Variants in ZNF274 observed in about 807,000 individuals in gnomAD.
The protein encoded by ZNF274 is neurotrophin receptor-interacting factor homolog.
ZNF274 carries 23 observed loss-of-function variants against 42.5 expected under a neutral mutation model. The observed-to-expected ratio is 0.54, with a 90% CI of 0.39 to 0.77. The LOEUF (loss-of-function observed/expected upper bound fraction) is 0.77, where lower values mean the gene tolerates loss of function less well. Ranked by LOEUF, ZNF274 falls within the 30% of genes least tolerant of loss-of-function variation. The probability of loss-of-function intolerance (pLI) is 0.00; values close to 1 mark genes in which losing one functional copy is unlikely to be tolerated. For synonymous variants in ZNF274, 292 were observed against 305.4 expected (o/e 0.96, Z 0.46); for missense variants, 679 against 806.5 (o/e 0.84, Z 1.91).
chr19:58,200,307 T>A (rs1221595841), intron 4 of ZNF274, among the ~76,000 whole-genome samples: 1 of 152,224 alleles, frequency 6.6e-6, no homozygotes, highest in African/African-American at 2.4e-5. Context: ...CTGCAGCTAA[T>A]GCTACTATGT....
intron 4 of ZNF274, among the ~76,000 whole-genome samples, chr19:58,188,676 GTATATATA>G (rs1250346912): frequency 5.0e-5 from 4 of 79,770 alleles, no homozygotes; most frequent in African/African-American, 1.9e-4. Flanking sequence ...GTGTGTGTGT[GTATATATA>G]TATGTATATG....
chr19:58,203,167 C>T (rs969407004), intron 4 of ZNF274, among the ~76,000 whole-genome samples: 3 of 151,862 alleles, frequency 2.0e-5, no homozygotes, highest in East Asian at 3.9e-4. Flanking sequence ...GCCACTTAGC[C>T]CCCCCCCAGG....
intron 4 of ZNF274, among the ~76,000 whole-genome samples, chr19:58,196,250 A>G (rs1456117352): frequency 3.3e-5 from 5 of 152,136 alleles, no homozygotes; most frequent in African/African-American, 9.7e-5. Flanking sequence ...GGCATTTTAC[A>G]TTTTTTACTT....
chr19:58,194,597 T>A (rs1196323547), intron 4 of ZNF274, among the ~76,000 whole-genome samples: 4 of 151,938 alleles, frequency 2.6e-5, no homozygotes, highest in African/African-American at 9.7e-5. Flanking sequence ...GCCAGGCTGG[T>A]CTCAAATCCC....
intron 3 of ZNF274, chr19:58,186,115 G>A (rs116217416): frequency 2.6e-4 from 52 of 198,160 alleles, no homozygotes; most frequent in African/African-American, 1.1e-3. Flanking sequence ...GACTGAAGCA[G>A]GAGGATTGCT....
In ZNF274 at chr19:58,208,898, A is replaced by C. The variant is rs1451535408; in HGVS notation, c.740-1063A>C. On this transcript the variant is annotated intron_variant, in intron 5 of 7. Transcript: ENST00000617501. The surrounding 1 kb of genome is among the most constrained non-coding windows in gnomAD (Gnocchi z 4.5). The stretch of plus-strand genomic sequence containing the variant: ...CTGTGTTTAACCTCAGGGGTGAATA[A>C]AATAAATTAGTGCCACAGAAGACAA... 1 of 152,250 alleles carries C rather than the reference A, an allele frequency of 6.6e-6. No homozygotes were observed. The highest frequency in any genetic ancestry group is 1.5e-5 in the Non-Finnish European group (1 of 68,052). The allele number at this position is 152,250 out of a possible 1,614,324, so 9.4% of individuals were successfully genotyped here. A position where few individuals can be genotyped will look rare whatever the true frequency, so the allele number is the denominator to read the frequency against.
At position 58,206,932 on chromosome 19, in the gene ZNF274, C is replaced by A; in HGVS notation, c.469C>A (p.Pro157Thr). The A allele has an allele frequency of 6.2e-7, 1 of 1,612,390 alleles. No individual in the cohort carries two copies. Among genetic ancestry groups the A allele is most frequent in the Non-Finnish European group, 8.5e-7 (1 of 1,179,222 alleles). Residue 157 changes from proline to threonine, a missense_variant, in exon 5 of 8, where the codon CCT (proline) becomes ACT (threonine). This residue lies in a region of ZNF274 where 223 missense variants were observed against 216.4 expected (regional missense o/e 1.03). Transcript: ENST00000617501. ...VQQQGKHPGD[P>T]EAARQRFRQF... is the part of the protein sequence containing the mutation. ...ACAGCAGGGCAAGCATCCAGGTGAC[C>A]CTGAGGCCGCGCGCCAGAGGTTCCG...
chr19:58,193,863 C>T (rs576462505), intron 4 of ZNF274, among the ~76,000 whole-genome samples: 1 of 151,992 alleles, frequency 6.6e-6, no homozygotes, highest in South Asian at 2.1e-4. Flanking sequence ...GAGTTTGAGG[C>T]TGCATTGAGC....
At chr19:58,183,867 TC>T (rs1160500543) in intron 1 of ZNF274, 53 bp from the exon 2 acceptor site, 3 of 1,248,372 alleles carry the variant, frequency 2.4e-6, no homozygotes, top group Middle Eastern at 1.9e-4. Flanking sequence ...CTGCGGTAGC[TC>T]CCCAGCGGAC....
intron 4 of ZNF274, among the ~76,000 whole-genome samples, chr19:58,192,270 G>T (rs1196220032): frequency 2.0e-5 from 3 of 152,156 alleles, no homozygotes; most frequent in African/African-American, 7.2e-5. Flanking sequence ...ACTCTGGGTG[G>T]CTGTGAAGAA....
intron 4 of ZNF274, 127 bp downstream of exon 4, chr19:58,187,169 C>G: frequency 2.6e-6 from 2 of 762,880 alleles, no homozygotes; most frequent in Non-Finnish European, 4.2e-6. Context: ...AGTTGCAGAA[C>G]CAAACTCGAA....
intron 4 of ZNF274, among the ~76,000 whole-genome samples, chr19:58,201,459 G>A (rs540621561): frequency 6.6e-6 from 1 of 151,676 alleles, no homozygotes; most frequent in South Asian, 2.1e-4. Flanking sequence ...AACCAAACCG[G>A]ATCATCCACT....
chr19:58,204,576 C>T (rs945689152), intron 4 of ZNF274, among the ~76,000 whole-genome samples: 4 of 152,050 alleles, frequency 2.6e-5, no homozygotes, highest in Admixed American at 1.3e-4. Flanking sequence ...GATGCTTCCG[C>T]CCGAGCTTTT....
In ZNF274 at chr19:58,209,954, C is replaced by T. The variant is rs1056485443; in HGVS notation, c.740-7C>T. ...GCTGACCTCCTCTGGCTGGTGTCTC[C>T]TCCCAGTACTTCCTGCAGGACAACC... is the stretch of plus-strand genomic sequence containing the variant. On this transcript the variant is annotated splice_region_variant and splice_polypyrimidine_tract_variant and intron_variant, in intron 5 of 7. Transcript: ENST00000617501. 1.2e-6 allele frequency: 2 copies of T among 1,608,450 alleles called. No individual in the cohort carries two copies. Among genetic ancestry groups the T allele is most frequent in the East Asian group, 2.2e-5 (1 of 44,832 alleles).
In ZNF274 at chr19:58,183,713, G is replaced by C. The variant is rs560010199; in HGVS notation, c.-45-208G>C. ...AGGGAGGCGATCCCCTCCGATGCGC[G>C]GGACAGAGGAGGCTCGGTGTCCTCT... On this transcript the variant is annotated intron_variant, in intron 1 of 7. Transcript: ENST00000617501. The C allele has an allele frequency of 1.3e-4, 59 of 457,538 alleles. 1 individual carries two copies. In the South Asian group the frequency reaches 1.5e-3, roughly 12 times the overall value. 28.3% of individuals were successfully genotyped at this position (457,538 alleles called of 1,614,324 possible).
At chr19:58,203,862 G>A (rs970183755) in intron 4 of ZNF274, among the ~76,000 whole-genome samples, 4 of 152,236 alleles carry the variant, frequency 2.6e-5, no homozygotes, top group Admixed American at 1.3e-4. Context: ...AGCGTAGACT[G>A]GTAATGGTCG....
Position 58,186,975 on chromosome 19 carries a change from A to G in ZNF274, c.189A>G (p.Val63=), listed in dbSNP as rs1462864046. The part of the protein sequence containing the change: ...VEHQLSKPDV[V]SQLEEAEDFW... ...ATCAGCTTTCCAAACCAGATGTGGTATCTCAGTTAGAGGAGGCAGAAGATT... is the reference window on the plus strand; with the variant it reads ...ATCAGCTTTCCAAACCAGATGTGGTGTCTCAGTTAGAGGAGGCAGAAGATT... The change falls in exon 4 of 8, where the codon GTA becomes GTG. Residue 63 remains valine, a synonymous_variant. Coordinates refer to ENST00000617501, the MANE Select transcript of ZNF274 (RefSeq NM_133502.3). The G allele has an allele frequency of 6.2e-7, 1 of 1,613,832 alleles. No homozygotes were observed. The highest frequency in any genetic ancestry group is 8.5e-7 in the Non-Finnish European group (1 of 1,179,828).
rs1331897498 is a variant in ZNF274, at chr19:58,212,277, A to G, written c.1096A>G (p.Thr366Ala). 8 of 1,614,020 alleles carry G rather than the reference A, an allele frequency of 5.0e-6. 1 individual carries two copies. In the Middle Eastern group the frequency reaches 6.6e-4, roughly 133 times the overall value. ...CTCAAGGGATTGTGCCTTGTCCTCT[A>G]CATTAGAAGATACCTTGCAGGGTGG... ...ESSRDCALSS[T>A]LEDTLQGGVQ... Residue 366 changes from threonine (T) to alanine (A), a missense_variant, in exon 8 of 8, where the codon ACA becomes GCA. Thr to Ala is a moderately conservative substitution (Grantham distance 58). Coordinates refer to ENST00000617501, the MANE Select transcript of ZNF274 (RefSeq NM_133502.3). This position sits in a 1 kb window ranked among gnomAD's most constrained non-coding sequence, Gnocchi z 4.6.
intron 1 of ZNF274, 115 bp downstream of exon 1, chr19:58,183,557 C>A (rs538424723): frequency 5.7e-6 from 1 of 176,070 alleles, no homozygotes; most frequent in Admixed American, 5.7e-5. Flanking sequence ...TACCCTGAGC[C>A]GGCCGTGCCT....
Sources: allele counts gnomAD v4.1 joint callset (sites outside exome capture counted in the v4.1 genomes callset), GRCh38; gene constraint gnomAD v4.1.1; regional missense constraint gnomAD v4.1.1; non-coding constraint Gnocchi (gnomAD v3.1); transcripts MANE v1.5; gene names NCBI Gene and HGNC (gene_info 2026-07-23, HGNC 2026-07-21).